HMCN1: variants seen among roughly 807,000 people sequenced by gnomAD.
HMCN1 encodes the protein hemicentin 1.
HMCN1 carries 321 observed loss-of-function variants against 625.9 expected under a neutral mutation model. The observed-to-expected ratio is 0.51, with a 90% CI of 0.47 to 0.56. The LOEUF (loss-of-function observed/expected upper bound fraction) is 0.56. Ranked by LOEUF, HMCN1 falls within the 20% of genes least tolerant of loss-of-function variation. The pLI is 0.00. For missense variants in HMCN1, 6,588 were observed against 6,887.3 expected (o/e 0.96, Z 1.54); for synonymous variants, 2,425 against 2,417.6 (o/e 1.00, Z -0.09).
At chr1:185,912,265 A>C (rs1666466120) in intron 6 of HMCN1, among the ~76,000 whole-genome samples, 1 of 152,176 alleles carries the variant, frequency 6.6e-6, no homozygotes, top group South Asian at 2.1e-4. Flanking sequence ...AATTGGGCTG[A>C]GAATTAAATT....
chr1:186,148,964 G>A (rs116307526), intron 93 of HMCN1, among the ~76,000 whole-genome samples: 1,980 of 148,484 alleles, frequency 0.013, 21 homozygotes, highest in Non-Finnish European at 0.02. Context: ...TTTCCTGAGC[G>A]TTAGGTCTCA....
intron 1 of HMCN1, among the ~76,000 whole-genome samples, chr1:185,844,050 A>T (rs1319431739): frequency 4.0e-5 from 6 of 151,736 alleles, no homozygotes; most frequent in Non-Finnish European, 8.8e-5. Context: ...CTACTTCTTG[A>T]GTTTTAAATT....
intron 11 of HMCN1, among the ~76,000 whole-genome samples, chr1:185,940,519 A>G (rs962692196): frequency 2.6e-5 from 4 of 152,206 alleles, no homozygotes; most frequent in Admixed American, 6.5e-5. Context: ...CTGTTTTCAT[A>G]TGTAGAAAAA....
chr1:185,931,409 A>G (rs1199720536), intron 10 of HMCN1, among the ~76,000 whole-genome samples: 3 of 152,016 alleles, frequency 2.0e-5, no homozygotes, highest in African/African-American at 7.3e-5. Flanking sequence ...TTCCTACCAA[A>G]TTTATTCACA....
intron 44 of HMCN1, among the ~76,000 whole-genome samples, 195 bp downstream of exon 44, chr1:186,054,181 C>A (rs1204545688): frequency 6.6e-6 from 1 of 151,984 alleles, no homozygotes; most frequent in African/African-American, 2.4e-5. Context: ...GGCATTACAG[C>A]TGTCCACTCT....
chr1:186,006,466 C>A (rs1320655813), intron 29 of HMCN1, among the ~76,000 whole-genome samples: 1 of 152,074 alleles, frequency 6.6e-6, no homozygotes, highest in South Asian at 2.1e-4. Context: ...CTGCCAATTA[C>A]ATAAACTGAG....
chr1:186,087,136 G>A, intron 58 of HMCN1, 81 bp from the exon 59 acceptor site: 1 of 852,796 alleles, frequency 1.2e-6, no homozygotes, highest in Middle Eastern at 2.2e-4. Flanking sequence ...AAGGATATAT[G>A]TTGCTATTTA....
At chr1:186,041,932 A>G (rs994928468) in intron 40 of HMCN1, among the ~76,000 whole-genome samples, 7 of 152,040 alleles carry the variant, frequency 4.6e-5, no homozygotes, top group Non-Finnish European at 8.8e-5. Context: ...TTTGAAATAC[A>G]TTACCTTTTT....
At chr1:186,172,721 G>C (rs1231583180) in intron 102 of HMCN1, among the ~76,000 whole-genome samples, 1 of 152,092 alleles carries the variant, frequency 6.6e-6, no homozygotes, top group Non-Finnish European at 1.5e-5. Flanking sequence ...AAAAATAAAA[G>C]AGAGATACCA....
At chr1:186,100,665 T>C (rs1258616306) in intron 68 of HMCN1, among the ~76,000 whole-genome samples, 1 of 152,180 alleles carries the variant, frequency 6.6e-6, no homozygotes, top group African/African-American at 2.4e-5. Flanking sequence ...AGGACAAGAA[T>C]GGATTCCGAG....
chr1:185,881,227 A>G (rs965743834), intron 4 of HMCN1, among the ~76,000 whole-genome samples: 1 of 152,234 alleles, frequency 6.6e-6, no homozygotes, highest in Non-Finnish European at 1.5e-5. Flanking sequence ...GCATCCAGGA[A>G]AAATGAAGTT....
At chr1:186,018,929 G>T (rs1406913719) in intron 34 of HMCN1, among the ~76,000 whole-genome samples, 5 of 152,026 alleles carry the variant, frequency 3.3e-5, no homozygotes, top group African/African-American at 1.2e-4. Context: ...GGGAAGGGAG[G>T]ACTGGAACGA....
At chr1:185,777,445 G>T (rs941410447) in intron 1 of HMCN1, among the ~76,000 whole-genome samples, 1 of 151,620 alleles carries the variant, frequency 6.6e-6, no homozygotes, top group African/African-American at 2.4e-5. Flanking sequence ...CACTATGCTT[G>T]CTTTCTTTTT....
intron 103 of HMCN1, chr1:186,176,817 G>C (rs1356681961): frequency 6.7e-6 from 1 of 148,234 alleles, no homozygotes; most frequent in African/African-American, 2.6e-5. Context: ...ATAAAAGAGA[G>C]ACCCAGATTG....
chr1:186,038,110 A>G, intron 37 of HMCN1, 75 bp downstream of exon 37: 1 of 894,058 alleles, frequency 1.1e-6, no homozygotes, highest in Middle Eastern at 2.1e-4. Context: ...TTTGAGCATA[A>G]TATACTAATT....
chr1:186,039,980 A>T, intron 39 of HMCN1, 101 bp downstream of exon 39: 2 of 1,180,102 alleles, frequency 1.7e-6, no homozygotes. Context: ...AACAAGGATT[A>T]ACAGATGCTA....
intron 1 of HMCN1, among the ~76,000 whole-genome samples, chr1:185,757,085 C>G (rs1447702344): frequency 6.6e-6 from 1 of 152,182 alleles, no homozygotes; most frequent in Non-Finnish European, 1.5e-5. Flanking sequence ...AGCGATTCTC[C>G]TGCCTCAGCC....
intron 1 of HMCN1, among the ~76,000 whole-genome samples, chr1:185,802,133 G>T (rs1215299415): frequency 1.3e-5 from 2 of 152,136 alleles, no homozygotes; most frequent in African/African-American, 2.4e-5. Context: ...ATAAGATTTA[G>T]TGATGGCTTG....
Position 186,136,903 on chromosome 1 carries a change from T to G in HMCN1, c.13548T>G (p.Gly4516=). 4.3e-6 allele frequency: 7 copies of G among 1,614,012 alleles called. No homozygotes were observed. The highest frequency in any genetic ancestry group is 2.2e-5 in the East Asian group (1 of 44,880). ...EFECVARNLM[G]SVLVRVPVIV... ...AATGTGTTGCTCGAAACTTAATGGG[T>G]TCTGTCCTTGTCAGAGTGCCAGTCA... is the stretch of plus-strand genomic sequence containing the variant. The change falls in exon 87 of 107, where the codon GGT becomes GGG. Residue 4516 remains glycine, a synonymous_variant. Coordinates refer to ENST00000271588, the MANE Select transcript of HMCN1 (RefSeq NM_031935.3).
Sources: gnomAD v4.1 joint callset for allele counts (sites outside exome capture counted in the v4.1 genomes callset) on GRCh38, gnomAD v4.1.1 for gene constraint, MANE v1.5 for transcripts, NCBI Gene and HGNC (gene_info 2026-07-23, HGNC 2026-07-21) for gene names.